CRIM1: variants seen among roughly 807,000 people sequenced by gnomAD.
CRIM1 encodes the protein cysteine rich transmembrane BMP regulator 1.
CRIM1 carries 32 observed loss-of-function variants against 116.4 expected under a neutral mutation model. The observed-to-expected ratio is 0.27, with a 90% CI of 0.21 to 0.37. The LOEUF is 0.37. CRIM1 is among the 10% of genes least tolerant of loss of function. CRIM1 has a pLI of 1.00. For synonymous variants in CRIM1, 590 were observed against 509.2 expected (o/e 1.16, Z -2.13); for missense variants, 1,331 against 1,354.8 (o/e 0.98, Z 0.28).
intron 8 of CRIM1, among the ~76,000 whole-genome samples, chr2:36,502,234 C>T (rs576429692): frequency 7.9e-5 from 12 of 152,290 alleles, no homozygotes; most frequent in African/African-American, 2.9e-4. Context: ...GAAGCAGTTT[C>T]CCTCAACTGC....
rs1463008622 is a variant in CRIM1 at position 36,522,256 on chromosome 2, T to C, written c.2371T>C (p.Ser791Pro). ...VISCFSESCPSVSCERPVLRK... is the reference protein window; with the variant it reads ...VISCFSESCPPVSCERPVLRK... ...TAGCTGTTTCTCTGAGTCCTGCCCTTCTGTATCCTGTGAAAGACCTGTCTT... is the reference window on the plus strand; with the variant it reads ...TAGCTGTTTCTCTGAGTCCTGCCCTCCTGTATCCTGTGAAAGACCTGTCTT... The change falls in exon 13 of 17, where the codon TCT (serine) becomes CCT (proline). Residue 791 changes from serine (S) to proline (P), a missense_variant. By Grantham distance (74) the Ser-to-Pro change is moderately conservative. Transcript: ENST00000280527. The C allele has an allele frequency of 6.2e-7, 1 of 1,614,196 alleles. No homozygotes were observed. Among genetic ancestry groups the C allele is most frequent in the Admixed American group, 1.7e-5 (1 of 60,026 alleles).
At chr2:36,477,703 A>G (rs1218359906) in intron 6 of CRIM1, among the ~76,000 whole-genome samples, 1 of 152,222 alleles carries the variant, frequency 6.6e-6, no homozygotes, top group Non-Finnish European at 1.5e-5. Context: ...CCAAGAAGTA[A>G]TATGTTCATG....
At chr2:36,464,396 C>T (rs1677830159) in intron 4 of CRIM1, 138 bp from the exon 5 acceptor site, 2 of 829,366 alleles carry the variant, frequency 2.4e-6, no homozygotes, top group South Asian at 1.9e-5. Flanking sequence ...TTCCCATTTC[C>T]CAGTGACACC....
chr2:36,460,531 A>T (rs1053634456), intron 4 of CRIM1, among the ~76,000 whole-genome samples: 1 of 152,232 alleles, frequency 6.6e-6, no homozygotes. Flanking sequence ...TACTTATCGT[A>T]AGTGAATTAT....
chr2:36,432,739 C>T (rs1674989126), intron 2 of CRIM1, among the ~76,000 whole-genome samples: 1 of 151,876 alleles, frequency 6.6e-6, no homozygotes, highest in African/African-American at 2.4e-5. Flanking sequence ...TTGAGGGTCC[C>T]TAGAACAATA....
At chr2:36,394,525 A>C (rs1671863787) in intron 1 of CRIM1, among the ~76,000 whole-genome samples, 2 of 151,948 alleles carry the variant, frequency 1.3e-5, no homozygotes, top group Admixed American at 1.3e-4. Flanking sequence ...GTACTTTACT[A>C]ATTTCATTGT....
At chr2:36,462,247 A>G (rs554876288) in intron 4 of CRIM1, among the ~76,000 whole-genome samples, 1 of 152,228 alleles carries the variant, frequency 6.6e-6, no homozygotes, top group Non-Finnish European at 1.5e-5. Flanking sequence ...GGAAGACGTA[A>G]TGCATATAAT....
chr2:36,358,036 C>T (rs1338406397), intron 1 of CRIM1, among the ~76,000 whole-genome samples: 1 of 152,050 alleles, frequency 6.6e-6, no homozygotes, highest in African/African-American at 2.4e-5. Flanking sequence ...GGAGGGTTTT[C>T]TGGTTTGGAA....
chr2:36,416,497 C>G lies in CRIM1; in HGVS notation c.505+19710C>G, dbSNP rs148643114. On this transcript the variant is annotated intron_variant, in intron 2 of 16. Transcript: ENST00000280527. ...AGAAAGTATCTGTAAGTATAAAACACATTCAGAATTTAGAAAACAAGATGT... is the reference window on the plus strand; with the variant it reads ...AGAAAGTATCTGTAAGTATAAAACAGATTCAGAATTTAGAAAACAAGATGT... Among the ~76,000 whole-genome samples the G allele has an allele frequency of 2.2e-3, 339 of 152,252 alleles. 2 individuals are homozygous for G. Among genetic ancestry groups the G allele is most frequent in the East Asian group, 0.014 (75 of 5,184 alleles).
intron 4 of CRIM1, among the ~76,000 whole-genome samples, chr2:36,461,883 T>C (rs893534124): frequency 3.3e-5 from 5 of 152,222 alleles, no homozygotes; most frequent in Non-Finnish European, 4.4e-5. Context: ...AGCTACCCAA[T>C]AGATATCTGA....
intron 9 of CRIM1, 107 bp from the exon 10 acceptor site, chr2:36,512,166 C>T: frequency 7.6e-7 from 1 of 1,315,946 alleles, no homozygotes; most frequent in Non-Finnish European, 1.1e-6. Context: ...AAAGTCAAGT[C>T]ATTCTGTTTA....
chr2:36,457,513 A>G lies in CRIM1; in HGVS notation c.870-7021A>G, dbSNP rs79527655. Among the ~76,000 whole-genome samples, 870 of 152,310 alleles carry G rather than the reference A, an allele frequency of 5.7e-3. 5 individuals are homozygous for G. The highest frequency in any genetic ancestry group is 0.02 in the African/African-American group (835 of 41,556). On this transcript the variant is annotated intron_variant, in intron 4 of 16. Coordinates refer to ENST00000280527, the MANE Select transcript of CRIM1 (RefSeq NM_016441.3). ...GCTGCACTTGCTGTGGCTACAGCAC[A>G]TCTGTCAGTGTTAGGGGGTGTAAAT...
chr2:36,503,454 C>G (rs1381548250), intron 8 of CRIM1, among the ~76,000 whole-genome samples: 1 of 152,168 alleles, frequency 6.6e-6, no homozygotes, highest in African/African-American at 2.4e-5. Context: ...ATGGCCGTTG[C>G]TTACTCTGCA....
intron 13 of CRIM1, chr2:36,529,292 A>T (rs902391147): frequency 4.5e-6 from 2 of 440,486 alleles, no homozygotes; most frequent in African/African-American, 4.1e-5. Context: ...GACCAGATAA[A>T]ACATCTTCTA....
chr2:36,460,125 C>G (rs753010355), intron 4 of CRIM1, among the ~76,000 whole-genome samples: 2 of 152,108 alleles, frequency 1.3e-5, no homozygotes, highest in Admixed American at 6.5e-5. Flanking sequence ...ACAGCTTTAC[C>G]AAGTCCCACC....
chr2:36,384,440 C>T (rs1244078036), intron 1 of CRIM1, among the ~76,000 whole-genome samples: 3 of 152,082 alleles, frequency 2.0e-5, no homozygotes, highest in Non-Finnish European at 4.4e-5. Flanking sequence ...AGTGAGGACC[C>T]AGTGAGTTGG....
intron 5 of CRIM1, among the ~76,000 whole-genome samples, chr2:36,467,344 C>T (rs1293448509): frequency 2.6e-5 from 4 of 152,156 alleles, no homozygotes; most frequent in Non-Finnish European, 4.4e-5. Context: ...TGTCTCAAAG[C>T]CTGCATTTTT....
Position 36,413,128 on chromosome 2 carries a change from G to A in CRIM1, c.505+16341G>A, listed in dbSNP as rs548055263. On this transcript the variant is annotated intron_variant, in intron 2 of 16. Transcript: ENST00000280527. The stretch of plus-strand genomic sequence containing the variant: ...GAACCAATCTGTATTAATATAAAGC[G>A]CTAGAAATATAAATAAATCATGTTT... 7.9e-5 allele frequency among the ~76,000 whole-genome samples: 12 copies of A among 152,228 alleles called. No homozygotes were observed. The East Asian group carries it at 1.9e-3, about 24-fold the overall frequency.
chr2:36,377,577 T>C (rs531732958), intron 1 of CRIM1, among the ~76,000 whole-genome samples: 1 of 152,300 alleles, frequency 6.6e-6, no homozygotes, highest in African/African-American at 2.4e-5. Flanking sequence ...CCATTTCTTT[T>C]GGGTGGTTAT....
Sources: allele counts gnomAD v4.1 joint callset (sites outside exome capture counted in the v4.1 genomes callset), GRCh38; gene constraint gnomAD v4.1.1; transcripts MANE v1.5; gene names NCBI Gene and HGNC (gene_info 2026-07-23, HGNC 2026-07-21).